The following ZNF91 variants were observed in gnomAD, a reference collection of about 807,000 sequenced individuals.
ZNF91 encodes zinc finger protein 91, also known as zinc finger protein 91 (HPF7, HTF10).
ZNF91 carries 7 observed loss-of-function variants against 12.6 expected under a neutral mutation model. The observed-to-expected ratio is 0.55, with a 90% confidence interval of 0.31 to 1.04. The LOEUF (loss-of-function observed/expected upper bound fraction) is 1.04. Ranked by LOEUF, ZNF91 falls within the 50% of genes least tolerant of loss-of-function variation. ZNF91 has a pLI of 0.05. For synonymous variants in ZNF91, 453 were observed against 462.6 expected, an observed-to-expected ratio of 0.98 and a Z score of 0.27; for missense variants, 1,217 against 1,385.4, an observed-to-expected ratio of 0.88 and a Z score of 1.93.
At chr19:23,373,549 T>G (rs7255282) in intron 3 of ZNF91, among the ~76,000 whole-genome samples, 193 bp downstream of exon 3, 1 of 151,824 alleles carries the variant, frequency 6.6e-6, no homozygotes, top group African/African-American at 2.4e-5. Flanking sequence ...AGAAAGATCA[T>G]TGAAGGGAAA....
chr19:23,371,422 T>C (rs1254350786), intron 3 of ZNF91, among the ~76,000 whole-genome samples: 5 of 152,164 alleles, frequency 3.3e-5, no homozygotes, highest in African/African-American at 9.7e-5. Flanking sequence ...GGGGTCATAT[T>C]TGTAGACATA....
chr19:23,395,383 G>C lies in ZNF91; in HGVS notation c.-29C>G, dbSNP rs1231182315. The C allele has an allele frequency of 6.2e-7, 1 of 1,613,346 alleles. No individual in the cohort carries two copies. Among genetic ancestry groups the C allele is most frequent in the Admixed American group, 1.7e-5 (1 of 59,898 alleles). On this transcript the variant is annotated 5_prime_UTR_variant, in exon 1 of 4. Transcript: ENST00000300619. ...AGCTGTGGCTCTCCAATACCTGCAGGTCACAGGGCCACACAGGCTGGGCCT... is the reference window on the plus strand; with the variant it reads ...AGCTGTGGCTCTCCAATACCTGCAGCTCACAGGGCCACACAGGCTGGGCCT...
At chr19:23,330,854 C>T (rs1967917025) in intron 1 of ZNF91, among the ~76,000 whole-genome samples, 1 of 152,170 alleles carries the variant, frequency 6.6e-6, no homozygotes, top group African/African-American at 2.4e-5. Flanking sequence ...TTTTGCCTCA[C>T]TGTGACCCAA....
intron 1 of ZNF91, among the ~76,000 whole-genome samples, chr19:23,377,514 T>C (rs918870658): frequency 5.3e-5 from 8 of 152,138 alleles, no homozygotes; most frequent in African/African-American, 1.9e-4. Context: ...AAATGGTCCA[T>C]AAATGGGTGT....
chr19:23,341,889 T>C (rs1968133092), intron 3 of ZNF91, among the ~76,000 whole-genome samples: 1 of 152,038 alleles, frequency 6.6e-6, no homozygotes, highest in Non-Finnish European at 1.5e-5. Flanking sequence ...CCCAAAACAA[T>C]GGAAGAGCAG....
chr19:23,367,142 T>A (rs1369874603), intron 3 of ZNF91, among the ~76,000 whole-genome samples: 1 of 152,154 alleles, frequency 6.6e-6, no homozygotes, highest in African/African-American at 2.4e-5. Context: ...AATAATCAAA[T>A]AATTATTCAG....
chr19:23,379,367 G>A (rs980068860), intron 1 of ZNF91, among the ~76,000 whole-genome samples: 3 of 152,184 alleles, frequency 2.0e-5, no homozygotes, highest in African/African-American at 7.2e-5. Flanking sequence ...TCTACACAGT[G>A]TTTGGGAAAT....
In ZNF91 at chr19:23,361,848, G is replaced by C; in HGVS notation, c.1131C>G (p.Pro377=). 1 of 1,608,962 alleles carries C rather than the reference G, an allele frequency of 6.2e-7. No individual in the cohort carries two copies. Among genetic ancestry groups the C allele is most frequent in the East Asian group, 2.2e-5 (1 of 44,804 alleles). The part of the protein sequence containing the change: ...NHKITHTEEK[P]YKCKECDKAF... Reference sequence around the variant, plus strand: ...CTTTGTCACATTCTTTACATTTGTAGGGTTTCTCTTCAGTATGAGTTATCT... The same window carrying C: ...CTTTGTCACATTCTTTACATTTGTACGGTTTCTCTTCAGTATGAGTTATCT... Residue 377 remains proline (P), a synonymous_variant, in exon 4 of 4, where the codon CCC becomes CCG. Transcript: ENST00000300619.
chr19:23,322,181 C>CT (rs1396398848), intron 1 of ZNF91, among the ~76,000 whole-genome samples: 3 of 152,210 alleles, frequency 2.0e-5, no homozygotes, highest in Non-Finnish European at 2.9e-5. Context: ...TCCTCTTCTT[C>CT]CTGAGCCCTA....
intron 1 of ZNF91, among the ~76,000 whole-genome samples, chr19:23,390,556 C>G (rs1023000755): frequency 6.6e-6 from 1 of 152,138 alleles, no homozygotes. Context: ...CGGGGTTTCA[C>G]CATGTTGGCC....
upstream of ZNF91, among the ~76,000 whole-genome samples, chr19:23,311,127 C>T (rs560041914): frequency 2.0e-3 from 301 of 152,280 alleles, no homozygotes; most frequent in South Asian, 0.017. Context: ...GGTCTCTTAC[C>T]TAGGTGATGT....
At chr19:23,368,540 CTCTCTCTCTCTCTCTCTCTCTCTA>C (rs1416743852) in intron 3 of ZNF91, among the ~76,000 whole-genome samples, 13 of 132,982 alleles carry the variant, frequency 9.8e-5, no homozygotes, top group African/African-American at 3.6e-4. Context: ...CTCTCTCTCT[CTCTCTCTCTCTCTCTCTCTCTCTA>C]TATATATATG....
chr19:23,392,137 TG>T (rs1970085585), intron 1 of ZNF91, among the ~76,000 whole-genome samples: 1 of 152,148 alleles, frequency 6.6e-6, no homozygotes, highest in South Asian at 2.1e-4. Flanking sequence ...GGCTCATGCC[TG>T]TAATTCCAGC....
chr19:23,330,295 C>T (rs968889924), intron 1 of ZNF91, among the ~76,000 whole-genome samples: 2 of 151,444 alleles, frequency 1.3e-5, no homozygotes, highest in African/African-American at 4.9e-5. Context: ...TGTGCCACTG[C>T]ACTCCAGCCT....
chr19:23,363,135 C>G (rs1037984047), intron 3 of ZNF91, among the ~76,000 whole-genome samples: 2 of 152,224 alleles, frequency 1.3e-5, no homozygotes, highest in African/African-American at 4.8e-5. Flanking sequence ...AAAGAAAAGT[C>G]TGTTAAATTT....
chr19:23,395,046 C>G (rs886226306), intron 1 of ZNF91, among the ~76,000 whole-genome samples: 2 of 152,208 alleles, frequency 1.3e-5, no homozygotes, highest in East Asian at 1.9e-4. Context: ...CCTGCACAAT[C>G]TGGGAGAGAC....
intron 1 of ZNF91, among the ~76,000 whole-genome samples, chr19:23,318,714 C>T (rs777425974): frequency 2.4e-4 from 37 of 152,186 alleles, no homozygotes; most frequent in Non-Finnish European, 4.7e-4. Flanking sequence ...CCTTGTTTGC[C>T]TGCGCTATGC....
intron 3 of ZNF91, among the ~76,000 whole-genome samples, chr19:23,345,062 T>C (rs1968195177): frequency 6.6e-6 from 1 of 152,332 alleles, no homozygotes; most frequent in South Asian, 2.1e-4. Context: ...AAATCCAATG[T>C]TGGCCCAAGA....
chr19:23,388,861 G>A (rs911300119), intron 1 of ZNF91, among the ~76,000 whole-genome samples: 2 of 151,872 alleles, frequency 1.3e-5, no homozygotes, highest in Admixed American at 1.3e-4. Context: ...TGACAAGAGT[G>A]AAACCATCTT....
Sources: allele counts gnomAD v4.1 joint callset (sites outside exome capture counted in the v4.1 genomes callset), GRCh38; gene constraint gnomAD v4.1.1; transcripts MANE v1.5; gene names NCBI Gene and HGNC (gene_info 2026-07-23, HGNC 2026-07-21).